The following UCN3 variants were observed in gnomAD, a reference collection of about 807,000 sequenced individuals.
UCN3 encodes the protein urocortin-3.
In UCN3, 3 loss-of-function variants were observed where a neutral mutation model predicts 3.6. The observed-to-expected ratio is 0.83, with a 90% confidence interval of 0.38 to 2.15. The LOEUF (loss-of-function observed/expected upper bound fraction) is 2.15, where lower values mean the gene tolerates loss of function less well. UCN3 is among the 30% of genes most tolerant of loss of function. The pLI, the probability that UCN3 is intolerant of heterozygous loss-of-function variation, is 0.06. For missense variants in UCN3, 206 were observed against 208.3 expected, an observed-to-expected ratio of 0.99 and a Z score of 0.07; for synonymous variants, 100 against 93.2, an observed-to-expected ratio of 1.07 and a Z score of -0.42.
Position 5,374,001 on chromosome 10 carries a change from G to T in UCN3, c.281G>T (p.Arg94Leu). 6.2e-7 allele frequency: 1 copy of T among 1,610,702 alleles called. No individual in the cohort carries two copies. The highest frequency in any genetic ancestry group is 1.1e-5 in the South Asian group (1 of 90,514). The stretch of plus-strand genomic sequence containing the variant: ...GCCAGGGGTGGAGCCAGAGGCACCC[G>T]GTACAGATACGTGTCCCAAGCACAG... ...SGARGGARGT[R>L]YRYVSQAQPR... The change falls in exon 2 of 2, where the codon CGG becomes CTG. Residue 94 changes from arginine (R) to leucine (L), a missense_variant. Coordinates refer to ENST00000380433, the MANE Select transcript of UCN3 (RefSeq NM_053049.4).
chr10:5,372,889 G>A (rs1831449769), intron 1 of UCN3, among the ~76,000 whole-genome samples: 1 of 151,898 alleles, frequency 6.6e-6, no homozygotes, highest in South Asian at 2.1e-4. Context: ...TAAAAGAATG[G>A]ATTCAATGGG....
chr10:5,372,605 A>T (rs1249380558), intron 1 of UCN3, among the ~76,000 whole-genome samples: 1 of 152,114 alleles, frequency 6.6e-6, no homozygotes, highest in East Asian at 1.9e-4. Context: ...GGATGGAGGC[A>T]GTGGCACAAT....
chr10:5,370,301 G>C (rs1475709356), intron 1 of UCN3, among the ~76,000 whole-genome samples: 1 of 76,512 alleles, frequency 1.3e-5, no homozygotes, highest in Non-Finnish European at 2.5e-5. Flanking sequence ...GTGTATGCGT[G>C]TGTATATGCG....
chr10:5,371,164 CAT>C (rs1483317984), intron 1 of UCN3, among the ~76,000 whole-genome samples: 1 of 143,946 alleles, frequency 6.9e-6, no homozygotes, highest in African/African-American at 2.7e-5. Context: ...TATGTGTGTG[CAT>C]GTGTATGTAT....
rs576932349 is a variant in UCN3, at chr10:5,365,548, G to C, written c.-7+318G>C. 2.6e-5 allele frequency among the ~76,000 whole-genome samples: 4 copies of C among 152,336 alleles called. No homozygotes were observed. Among genetic ancestry groups the C allele is most frequent in the African/African-American group, 9.6e-5 (4 of 41,584 alleles). ...CTGAACAGAGCACAGCTGTGCACAG[G>C]AAAGTCAGTCCTCGGAGACAGTTTA... On this transcript the variant is annotated intron_variant, in intron 1 of 1. Transcript: ENST00000380433. This position sits in a 1 kb window ranked among gnomAD's most constrained non-coding sequence, Gnocchi z 4.4.
Position 5,373,601 on chromosome 10 carries a change from T to G in UCN3, c.-6-114T>G, listed in dbSNP as rs529605842. 1.8e-4 allele frequency: 275 copies of G among 1,486,882 alleles called. 3 individuals are homozygous for G. The South Asian group carries it at 3.5e-3, about 19-fold the overall frequency. The allele number at this position is 1,486,882 out of a possible 1,614,324, so 92.1% of individuals were successfully genotyped here. Reference sequence around the variant, plus strand: ...GATGCTGCTGGTCTGGGGGTCATACTTGGAGAACCCTTGTAGTGGAACATT... The same window carrying G: ...GATGCTGCTGGTCTGGGGGTCATACGTGGAGAACCCTTGTAGTGGAACATT... On this transcript the variant is annotated intron_variant, in intron 1 of 1. Coordinates refer to ENST00000380433, the MANE Select transcript of UCN3 (RefSeq NM_053049.4).
At position 5,367,152 on chromosome 10, in the gene UCN3, C is replaced by G. The variant is rs1377815700; in HGVS notation, c.-7+1922C>G. Among the ~76,000 whole-genome samples the G allele has an allele frequency of 6.6e-6, 1 of 152,192 alleles. No individual in the cohort carries two copies. Among genetic ancestry groups the G allele is most frequent in the Non-Finnish European group, 1.5e-5 (1 of 68,036 alleles). On this transcript the variant is annotated intron_variant, in intron 1 of 1. Coordinates refer to ENST00000380433, the MANE Select transcript of UCN3 (RefSeq NM_053049.4). This position sits in a 1 kb window ranked among gnomAD's most constrained non-coding sequence, Gnocchi z 4.3. ...ACTGAGATGAGACAGGTAGCACTTC[C>G]AGGGAACACATCCAGAGGCTAGCCC...
intron 1 of UCN3, among the ~76,000 whole-genome samples, chr10:5,370,986 GGTAT>G (rs1229710988): frequency 3.3e-5 from 5 of 150,534 alleles, no homozygotes; most frequent in Admixed American, 1.3e-4. Context: ...GTACATGTGA[GGTAT>G]GTATGTGTGT....
intron 1 of UCN3, among the ~76,000 whole-genome samples, chr10:5,370,099 A>G (rs797024194): frequency 2.1e-4 from 13 of 62,100 alleles, no homozygotes; most frequent in Admixed American, 8.0e-4. Flanking sequence ...GCGTGTGTAT[A>G]TGCGTGTGTA....
chr10:5,373,742 C>G lies in UCN3; in HGVS notation c.22C>G (p.Leu8Val). 6.2e-7 allele frequency: 1 copy of G among 1,613,840 alleles called. No homozygotes were observed. The highest frequency in any genetic ancestry group is 1.1e-5 in the South Asian group (1 of 91,070). Residue 8 changes from leucine (L) to valine (V), a missense_variant, in exon 2 of 2, where the codon CTG (leucine) becomes GTG (valine). By Grantham distance (32) the Leu-to-Val change is conservative. Coordinates refer to ENST00000380433, the MANE Select transcript of UCN3 (RefSeq NM_053049.4). MLMPVHF[L>V]LLLLLLLGGP... is the part of the protein sequence containing the mutation. ...AGAGATGCTGATGCCGGTCCACTTCCTGCTGCTCCTGCTGCTGCTCCTGGG... is the reference window on the plus strand; with the variant it reads ...AGAGATGCTGATGCCGGTCCACTTCGTGCTGCTCCTGCTGCTGCTCCTGGG...
In UCN3 at chr10:5,366,840, C is replaced by G. The variant is rs1400732241; in HGVS notation, c.-7+1610C>G. On this transcript the variant is annotated intron_variant, in intron 1 of 1. Coordinates refer to ENST00000380433, the MANE Select transcript of UCN3 (RefSeq NM_053049.4). The surrounding 1 kb of genome is among the most constrained non-coding windows in gnomAD (Gnocchi z 4.2). The stretch of plus-strand genomic sequence containing the variant: ...CCTCACAACCGTGTGCAGGCTAGAG[C>G]TGAGGGTTTGCAGAGAGAGAAAGGT... Among the ~76,000 whole-genome samples the G allele has an allele frequency of 3.3e-5, 5 of 152,154 alleles. No homozygotes were observed. Among genetic ancestry groups the G allele is most frequent in the African/African-American group, 4.8e-5 (2 of 41,424 alleles).
rs868952017 is a variant in UCN3 at position 5,370,636 on chromosome 10, T to C, written c.-6-3079T>C. 8.7e-4 allele frequency among the ~76,000 whole-genome samples: 72 copies of C among 82,510 alleles called. 9 individuals carry two copies. The highest frequency in any genetic ancestry group is 2.0e-3 in the African/African-American group (36 of 17,746). 54.1% of individuals were successfully genotyped at this position (82,510 alleles called of 152,430 possible). On this transcript the variant is annotated intron_variant, in intron 1 of 1. Coordinates refer to ENST00000380433, the MANE Select transcript of UCN3 (RefSeq NM_053049.4). ...ATATGCGTGTATATGCGTGTGTATG[T>C]GTGTGTATATGTGTGTGTATGTGTG...
At position 5,365,536 on chromosome 10, in the gene UCN3, A is replaced by C. The variant is rs117880296; in HGVS notation, c.-7+306A>C. ...AATCTGTTTTCTCTGAACAGAGCAC[A>C]GCTGTGCACAGGAAAGTCAGTCCTC... On this transcript the variant is annotated intron_variant, in intron 1 of 1. Coordinates refer to ENST00000380433, the MANE Select transcript of UCN3 (RefSeq NM_053049.4). This position sits in a 1 kb window ranked among gnomAD's most constrained non-coding sequence, Gnocchi z 4.4. 8.4e-3 allele frequency among the ~76,000 whole-genome samples: 1,273 copies of C among 152,348 alleles called. 30 individuals carry two copies. The East Asian group carries it at 0.088, about 11-fold the overall frequency.
intron 1 of UCN3, among the ~76,000 whole-genome samples, chr10:5,372,327 C>T (rs1588402665): frequency 6.6e-6 from 1 of 152,306 alleles, no homozygotes; most frequent in East Asian, 1.9e-4. Flanking sequence ...TCTGGCACAG[C>T]TGATGCTGCT....
At chr10:5,370,643 A>ATATGTGTGTGTATGTGTGTG (rs1238566095) in intron 1 of UCN3, among the ~76,000 whole-genome samples, 1 of 40,354 alleles carries the variant, frequency 2.5e-5, no homozygotes, top group African/African-American at 1.2e-4. Context: ...ATGTGTGTGT[A>ATATGTGTGTGTATGTGTGTG]TATGTGTGTG....
chr10:5,374,350 C>A lies in UCN3; in HGVS notation c.*144C>A. On this transcript the variant is annotated 3_prime_UTR_variant, in exon 2 of 2. Transcript: ENST00000380433. The stretch of plus-strand genomic sequence containing the variant: ...GTCAGTTTTACAGGTTGCTGCACTG[C>A]TGAGCCCCTCTGATCTCTTCTGGCC... 3 of 759,194 alleles carry A rather than the reference C, an allele frequency of 4.0e-6. No homozygotes were observed. The highest frequency in any genetic ancestry group is 2.6e-5 in the Admixed American group (1 of 38,078). 47.0% of individuals were successfully genotyped at this position (759,194 alleles called of 1,614,324 possible). A position where few individuals can be genotyped will look rare whatever the true frequency, so the allele number is the denominator to read the frequency against.
At chr10:5,368,656 C>T (rs112979446) in intron 1 of UCN3, among the ~76,000 whole-genome samples, 4 of 152,120 alleles carry the variant, frequency 2.6e-5, no homozygotes, top group African/African-American at 9.7e-5. Context: ...TTTTTTTAAA[C>T]CCTTTCAGGG....
rs1831415282 is a variant in UCN3 at position 5,370,964 on chromosome 10, G to GTGTAAGGTGTGTA, written c.-6-2748_-6-2747insAAGGTGTGTATGT. 2.1e-5 allele frequency among the ~76,000 whole-genome samples: 3 copies of GTGTAAGGTGTGTA among 140,960 alleles called. 1 individual carries two copies. Among genetic ancestry groups the GTGTAAGGTGTGTA allele is most frequent in the African/African-American group, 7.8e-5 (3 of 38,524 alleles). 92.5% of individuals were successfully genotyped at this position (140,960 alleles called of 152,430 possible). ...ATGTGTATGTGTGTAAGGTGTGTGT[G>GTGTAAGGTGTGTA]TGTGTATGTATGTACATGTGAGGTA... On this transcript the variant is annotated intron_variant, in intron 1 of 1. Transcript: ENST00000380433.
intron 1 of UCN3, among the ~76,000 whole-genome samples, chr10:5,368,706 C>A (rs1299879991): frequency 2.0e-5 from 3 of 152,124 alleles, no homozygotes; most frequent in Admixed American, 2.0e-4. Context: ...CTTTAAGATG[C>A]CTTCAAGGTA....
Sources: gnomAD v4.1 joint callset for allele counts (sites outside exome capture counted in the v4.1 genomes callset) on GRCh38, gnomAD v4.1.1 for gene constraint, Gnocchi (gnomAD v3.1) non-coding constraint, MANE v1.5 for transcripts, NCBI Gene and HGNC (gene_info 2026-07-23, HGNC 2026-07-21) for gene names.